Variants in DNHD1 observed in about 807,000 individuals in gnomAD.
DNHD1 encodes the protein dynein heavy chain domain 1, also known as dynein heavy chain domain-containing protein 1.
DNHD1 carries 383 observed loss-of-function variants against 458.1 expected under a neutral mutation model. The observed-to-expected ratio is 0.84, with a 90% CI of 0.77 to 0.91. The LOEUF (loss-of-function observed/expected upper bound fraction) is 0.91. Ranked by LOEUF, DNHD1 falls within the 40% of genes least tolerant of loss-of-function variation. The pLI is 0.00. For synonymous variants in DNHD1, 2,203 were observed against 2,376.9 expected, an observed-to-expected ratio of 0.93 and a Z score of 2.13; for missense variants, 5,336 against 5,866.1, an observed-to-expected ratio of 0.91 and a Z score of 2.95.
chr11:6,568,352 C>A, intron 37 of DNHD1, 102 bp from the exon 38 acceptor site: 1 of 1,570,584 alleles, frequency 6.4e-7, no homozygotes, highest in South Asian at 1.2e-5. Flanking sequence ...GTCCACTTGG[C>A]CTTGTATCTG....
chr11:6,558,560 C>A lies in DNHD1; in HGVS notation c.9078C>A (p.Pro3026=), dbSNP rs748210805. ...ATAAACAGGCCCACAAGCAGCTGCC[C>A]TCCACCCTTTTCCTGAGGCTCCTTC... is the stretch of plus-strand genomic sequence containing the variant. ...IGDKQAHKQL[P]STLFLRLLQL... is the part of the protein sequence containing the mutation. The change falls in exon 26 of 43, where the codon CCC becomes CCA. Residue 3026 remains proline (P), a synonymous_variant. Transcript: ENST00000254579. 7.7e-6 allele frequency: 12 copies of A among 1,551,650 alleles called. No individual in the cohort carries two copies. In the East Asian group the frequency reaches 2.9e-4, roughly 38 times the overall value.
rs1475855071 is a variant in DNHD1, at chr11:6,571,265, G to A, written c.13753G>A (p.Ala4585Thr). The A allele has an allele frequency of 3.1e-6, 5 of 1,612,488 alleles. 1 individual carries two copies. The South Asian group carries it at 5.5e-5, about 18-fold the overall frequency. The stretch of plus-strand genomic sequence containing the variant: ...ACCAGAGCGCGTCTTCCACCTGTCA[G>A]CCTTTCGCCACCCGCGCCGCCTGCT... The part of the protein sequence containing the change: ...DVPERVFHLS[A>T]FRHPRRLLLA... The change falls in exon 42 of 43, where the codon GCC (alanine) becomes ACC (threonine). Residue 4585 changes from alanine (A) to threonine (T), a missense_variant. Around this residue, in one of 4 missense-constraint regions of DNHD1, gnomAD observed 698 missense variants for 664.9 expected, o/e 1.05. Transcript: ENST00000254579. The surrounding 1 kb of genome is among the most constrained non-coding windows in gnomAD (Gnocchi z 5.0).
In DNHD1 at chr11:6,546,618, G is replaced by A. The variant is rs1290004492; in HGVS notation, c.5679G>A (p.Glu1893=). The change falls in exon 21 of 43, where the codon GAG becomes GAA. Residue 1893 remains glutamate, a synonymous_variant. Transcript: ENST00000254579. The part of the protein sequence containing the change: ...DTIRTLNVTK[E]EPKCQKPRSL... ...TACGGACACTAAATGTGACCAAGGA[G>A]GAACCGAAGTGCCAGAAGCCTCGCA... 1.9e-6 allele frequency: 3 copies of A among 1,551,406 alleles called. No homozygotes were observed. The African/African-American group carries it at 4.1e-5, about 21-fold the overall frequency.
At position 6,545,646 on chromosome 11, in the gene DNHD1, C is replaced by A; in HGVS notation, c.4707C>A (p.Ser1569Arg). 1 of 1,551,798 alleles carries A rather than the reference C, an allele frequency of 6.4e-7. No homozygotes were observed. Residue 1569 changes from serine to arginine, a missense_variant, in exon 21 of 43, where the codon AGC becomes AGA. Physicochemically the swap from Ser to Arg is moderately radical, Grantham distance 110. Transcript: ENST00000254579. The surrounding 1 kb of genome is among the most constrained non-coding windows in gnomAD (Gnocchi z 4.9). ...CCCTGCCTTCTGTCCGCCAGACCAG[C>A]CTTCTCAGTGCCCTGCTGGTCATGG... Reference protein sequence around the residue: ...GQSLPSVRQTSLLSALLVMAV... With the variant: ...GQSLPSVRQTRLLSALLVMAV...
Position 6,546,040 on chromosome 11 carries a change from G to T in DNHD1, c.5101G>T (p.Ala1701Ser). 4.5e-6 allele frequency: 7 copies of T among 1,551,424 alleles called. No individual in the cohort carries two copies. The highest frequency in any genetic ancestry group is 6.1e-6 in the Non-Finnish European group (7 of 1,146,752). Residue 1701 changes from alanine (A) to serine (S), a missense_variant, in exon 21 of 43, where the codon GCA becomes TCA. Physicochemically the swap from Ala to Ser is moderately conservative, Grantham distance 99 (BLOSUM62 1). This residue lies in a region of DNHD1 where 3,932 missense variants were observed against 4,365.6 expected (regional missense o/e 0.90). Transcript: ENST00000254579. Reference sequence around the variant, plus strand: ...CAAGAGAGCTATAGTGAACAGCCTGGCACAGGCCCTGGGCCGCCAGCTGGT... The same window carrying T: ...CAAGAGAGCTATAGTGAACAGCCTGTCACAGGCCCTGGGCCGCCAGCTGGT... ...VGKRAIVNSL[A>S]QALGRQLVML... is the part of the protein sequence containing the mutation.
At chr11:6,551,973 A>G (rs2134438852) in intron 24 of DNHD1, among the ~76,000 whole-genome samples, 1 of 147,226 alleles carries the variant, frequency 6.8e-6, no homozygotes, top group Admixed American at 6.7e-5. Flanking sequence ...GCATGGTGGC[A>G]TGCACCTGTA....
chr11:6,532,878 G>A, intron 12 of DNHD1, 149 bp from the exon 13 acceptor site: 1 of 733,632 alleles, frequency 1.4e-6, no homozygotes, highest in South Asian at 1.8e-5. Context: ...GCAGCTGACT[G>A]GACATTGAGC....
Position 6,508,908 on chromosome 11 carries a change from G to A in DNHD1, c.949G>A (p.Asp317Asn), listed in dbSNP as rs2555152. The stretch of plus-strand genomic sequence containing the variant: ...TTACAGCCTGATGGTGGTGCCACCC[G>A]ACAAGGTGAATCCCGAGCACTACAT... Reference protein sequence around the residue: ...RPYSLMVVPPDKVNPEHYIFS... With the variant: ...RPYSLMVVPPNKVNPEHYIFS... The change falls in exon 5 of 43, where the codon GAC (aspartate) becomes AAC (asparagine). Residue 317 changes from aspartate (D) to asparagine (N), a missense_variant. Around this residue, in one of 4 missense-constraint regions of DNHD1, gnomAD observed 3,932 missense variants for 4,365.6 expected, o/e 0.90. Coordinates refer to ENST00000254579, the MANE Select transcript of DNHD1 (RefSeq NM_144666.3). 6.7e-3 allele frequency: 10,796 copies of A among 1,614,016 alleles called. 623 individuals are homozygous for A. The African/African-American group carries it at 0.12, about 18-fold the overall frequency.
Position 6,570,298 on chromosome 11 carries a change from T to A in DNHD1, c.13007T>A (p.Leu4336Gln). ...PLGDTEDREA[L>Q]ISLTQACLSP... ...GGGGACACTGAGGACAGGGAGGCCC[T>A]GATTAGCCTCACACAAGCCTGCCTG... Residue 4336 changes from leucine to glutamine, a missense_variant, in exon 41 of 43, where the codon CTG becomes CAG. Leu to Gln is a moderately radical substitution (Grantham distance 113, BLOSUM62 -2). Around this residue, in one of 4 missense-constraint regions of DNHD1, gnomAD observed 698 missense variants for 664.9 expected, o/e 1.05. Coordinates refer to ENST00000254579, the MANE Select transcript of DNHD1 (RefSeq NM_144666.3). 1 of 1,613,622 alleles carries A rather than the reference T, an allele frequency of 6.2e-7. No homozygotes were observed. Among genetic ancestry groups the A allele is most frequent in the Non-Finnish European group, 8.5e-7 (1 of 1,179,752 alleles).
Position 6,571,959 on chromosome 11 carries a change from C to T in DNHD1, c.14235C>T (p.Val4745=), listed in dbSNP as rs371845576. The T allele has an allele frequency of 6.2e-7, 1 of 1,611,556 alleles. No homozygotes were observed. Among genetic ancestry groups the T allele is most frequent in the Non-Finnish European group, 8.5e-7 (1 of 1,178,204 alleles). ...CCAACACCTGTGTCCAAAGGAGGGTCCATGTGTGCAGCCCACCCCTGTCTT... is the reference window on the plus strand; with the variant it reads ...CCAACACCTGTGTCCAAAGGAGGGTTCATGTGTGCAGCCCACCCCTGTCTT... ...LTPNTCVQRR[V]HVCSPPLS The change falls in exon 43 of 43, where the codon GTC becomes GTT. Residue 4745 remains valine (V), a synonymous_variant. Coordinates refer to ENST00000254579, the MANE Select transcript of DNHD1 (RefSeq NM_144666.3). This position sits in a 1 kb window ranked among gnomAD's most constrained non-coding sequence, Gnocchi z 5.0.
chr11:6,513,125 C>A (rs1852380589), intron 7 of DNHD1, among the ~76,000 whole-genome samples: 1 of 152,080 alleles, frequency 6.6e-6, no homozygotes, highest in Admixed American at 6.6e-5. Flanking sequence ...GTGAGCTGCT[C>A]CACAGCCTTT....
At position 6,563,830 on chromosome 11, in the gene DNHD1, CT is replaced by C. The variant is rs1179002403; in HGVS notation, c.9991del (p.Trp3331GlyfsTer82). 2.6e-6 allele frequency: 4 copies of C among 1,551,576 alleles called. No homozygotes were observed. In the African/African-American group the frequency reaches 5.5e-5, roughly 21 times the overall value. Reference sequence around the variant, plus strand: ...CTGCAGCCAGCCTGGCAGCCTGGCTCTGGGCTGTTCTGCACTATGGGCTGGC... The same window carrying C: ...CTGCAGCCAGCCTGGCAGCCTGGCTCGGGCTGTTCTGCACTATGGGCTGGC... Reference protein sequence around the residue: ...RPAASLAAWLWAVLHYGLAHC... With the variant: ...RPAASLAAWLXAVLHYGLAHC... On this transcript the variant is annotated frameshift_variant, in exon 31 of 43. Coordinates refer to ENST00000254579, the MANE Select transcript of DNHD1 (RefSeq NM_144666.3). LOFTEE classifies it high-confidence loss of function.
chr11:6,534,695 G>T lies in DNHD1; in HGVS notation c.2998+522G>T, dbSNP rs143472257. 3.1e-3 allele frequency among the ~76,000 whole-genome samples: 466 copies of T among 152,284 alleles called. 2 individuals carry two copies. Among genetic ancestry groups the T allele is most frequent in the Non-Finnish European group, 4.9e-3 (336 of 68,018 alleles). The stretch of plus-strand genomic sequence containing the variant: ...TTCTTTCATACAGTGGTGCAGGTAA[G>T]CTGGTTCCCTTCTGTTCTTAAAGAA... On this transcript the variant is annotated intron_variant, in intron 14 of 42. Coordinates refer to ENST00000254579, the MANE Select transcript of DNHD1 (RefSeq NM_144666.3).
intron 18 of DNHD1, among the ~76,000 whole-genome samples, chr11:6,542,307 G>A (rs1333786860): frequency 6.6e-6 from 1 of 152,138 alleles, no homozygotes; most frequent in Non-Finnish European, 1.5e-5. Context: ...CCACTTTTCT[G>A]CCTCATCCTT....
intron 7 of DNHD1, among the ~76,000 whole-genome samples, chr11:6,517,723 A>G (rs922417452): frequency 2.4e-5 from 3 of 127,354 alleles, no homozygotes; most frequent in Non-Finnish European, 3.1e-5. Context: ...TGGAGACCTC[A>G]TGATCTAATC....
intron 24 of DNHD1, among the ~76,000 whole-genome samples, chr11:6,554,783 ACT>A (rs1190525774): frequency 6.6e-6 from 1 of 152,186 alleles, no homozygotes; most frequent in Non-Finnish European, 1.5e-5. Context: ...AGCAACTGAA[ACT>A]CTCTCACTTT....
Position 6,536,961 on chromosome 11 carries a change from A to G in DNHD1, c.2999-1422A>G, listed in dbSNP as rs575907717. Among the ~76,000 whole-genome samples the G allele has an allele frequency of 1.7e-4, 26 of 152,320 alleles. 1 individual carries two copies. The highest frequency in any genetic ancestry group is 3.4e-3 in the Middle Eastern group (1 of 294). On this transcript the variant is annotated intron_variant, in intron 14 of 42. Coordinates refer to ENST00000254579, the MANE Select transcript of DNHD1 (RefSeq NM_144666.3). ...CTTTTTGTCAGATCAGAGCTTTGAT[A>G]GCCTAGTGATTCCAGCTTTTTAATA...
rs1486027847 is a variant in DNHD1 at position 6,547,851 on chromosome 11, C to A, written c.6728-12C>A. 1.9e-6 allele frequency: 3 copies of A among 1,551,450 alleles called. No individual in the cohort carries two copies. The Admixed American group carries it at 5.9e-5, about 30-fold the overall frequency. On this transcript the variant is annotated splice_polypyrimidine_tract_variant and intron_variant, in intron 21 of 42. Transcript: ENST00000254579. ...ACTGGGGCTCCTCTCGTGGCCATGG[C>A]AACTTTCACAGAGGACCTCAGCTAT...
chr11:6,549,097 C>A, intron 24 of DNHD1, 164 bp downstream of exon 24: 1 of 757,330 alleles, frequency 1.3e-6, no homozygotes, highest in Non-Finnish European at 2.1e-6. Context: ...ACAATCCCAT[C>A]CACTCTCATG....
Sources: gnomAD v4.1 joint callset for allele counts (sites outside exome capture counted in the v4.1 genomes callset) on GRCh38, gnomAD v4.1.1 for gene constraint, gnomAD v4.1.1 regional missense constraint, Gnocchi (gnomAD v3.1) non-coding constraint, MANE v1.5 for transcripts, NCBI Gene and HGNC (gene_info 2026-07-23, HGNC 2026-07-21) for gene names.